PDE6C: variants seen among roughly 807,000 people sequenced by gnomAD.
PDE6C encodes the protein cone cGMP-specific 3',5'-cyclic phosphodiesterase subunit alpha'.
In PDE6C, 75 loss-of-function variants were observed where a neutral mutation model predicts 113.1. The observed-to-expected ratio is 0.66, with a 90% CI of 0.55 to 0.80. The LOEUF (loss-of-function observed/expected upper bound fraction) is 0.80, where lower values mean the gene tolerates loss of function less well. PDE6C is among the 30% of genes least tolerant of loss of function. PDE6C has a pLI of 0.00. For missense variants in PDE6C, 912 were observed against 1,038.6 expected (o/e 0.88, Z 1.67); for synonymous variants, 375 against 363.7 (o/e 1.03, Z -0.35).
intron 16 of PDE6C, among the ~76,000 whole-genome samples, chr10:93,657,467 A>G (rs2058644251): frequency 6.7e-6 from 1 of 149,872 alleles, no homozygotes; most frequent in Admixed American, 6.7e-5. Flanking sequence ...TAGAGGCGTG[A>G]GCCACCTCGC....
At chr10:93,647,903 C>T (rs2058592099) in intron 15 of PDE6C, among the ~76,000 whole-genome samples, 1 of 152,128 alleles carries the variant, frequency 6.6e-6, no homozygotes, top group African/African-American at 2.4e-5. Context: ...TTGTTATTAC[C>T]TAATTTGTTA....
intron 7 of PDE6C, among the ~76,000 whole-genome samples, chr10:93,628,668 T>C (rs1393888571): frequency 6.6e-6 from 1 of 152,166 alleles, no homozygotes; most frequent in African/African-American, 2.4e-5. Flanking sequence ...TTAAGATCCA[T>C]TTGTGATTAT....
chr10:93,629,187 A>G (rs938777910), intron 7 of PDE6C, 71 bp from the exon 8 acceptor site: 2 of 1,263,842 alleles, frequency 1.6e-6, no homozygotes, highest in African/African-American at 2.9e-5. Flanking sequence ...GTTCTTTCTT[A>G]TTCTGCTTTG....
At chr10:93,642,849 A>G (rs1310042373) in intron 14 of PDE6C, among the ~76,000 whole-genome samples, 1 of 152,142 alleles carries the variant, frequency 6.6e-6, no homozygotes, top group African/African-American at 2.4e-5. Context: ...AATTCTACCT[A>G]TTATTAGGCT....
chr10:93,662,977 T>G, intron 20 of PDE6C, 51 bp from the exon 21 acceptor site: 3 of 1,511,704 alleles, frequency 2.0e-6, no homozygotes, highest in Non-Finnish European at 2.7e-6. Flanking sequence ...TGAAAGATCC[T>G]GAAAATTAAC....
intron 14 of PDE6C, among the ~76,000 whole-genome samples, chr10:93,642,221 G>A (rs962708504): frequency 1.3e-5 from 2 of 152,004 alleles, no homozygotes; most frequent in Non-Finnish European, 2.9e-5. Context: ...AAAATTAGCC[G>A]GACATTGTGG....
chr10:93,640,892 G>T, intron 13 of PDE6C, 28 bp from the exon 14 acceptor site: 1 of 1,322,402 alleles, frequency 7.6e-7, no homozygotes, highest in Non-Finnish European at 1.1e-6. Flanking sequence ...ATAAATTATA[G>T]ATATGCATAT....
chr10:93,613,044 A>C lies in PDE6C; in HGVS notation c.319A>C (p.Ile107Leu). 1.9e-6 allele frequency: 3 copies of C among 1,614,194 alleles called. No homozygotes were observed. Among genetic ancestry groups the C allele is most frequent in the Non-Finnish European group, 2.5e-6 (3 of 1,180,044 alleles). Residue 107 changes from isoleucine to leucine, a missense_variant, in exon 1 of 22, where the codon ATA becomes CTA. By Grantham distance (5) the Ile-to-Leu change is conservative (BLOSUM62 2). Transcript: ENST00000371447. The stretch of plus-strand genomic sequence containing the variant: ...GTTCCTGTGCCGGTCCCGGAACGGC[A>C]TACCTGAGGTGGCCTCTAGGTTGCT... ...SMFLCRSRNG[I>L]PEVASRLLDV...
At chr10:93,640,377 A>AG in intron 12 of PDE6C, 73 bp from the exon 13 acceptor site, 2 of 1,300,726 alleles carry the variant, frequency 1.5e-6, no homozygotes, top group Non-Finnish European at 2.2e-6. Flanking sequence ...ACATCTTTTT[A>AG]GATAAGATTG....
intron 9 of PDE6C, among the ~76,000 whole-genome samples, chr10:93,635,293 T>C (rs1383660961): frequency 1.3e-5 from 2 of 152,214 alleles, no homozygotes; most frequent in African/African-American, 4.8e-5. Flanking sequence ...CTTCTATTCA[T>C]GGTGCATGGT....
Position 93,642,615 on chromosome 10 carries a change from C to T in PDE6C, c.1847+1586C>T, listed in dbSNP as rs557746330. Among the ~76,000 whole-genome samples the T allele has an allele frequency of 2.6e-3, 401 of 152,210 alleles. 2 individuals are homozygous for T. Among genetic ancestry groups the T allele is most frequent in the Non-Finnish European group, 4.5e-3 (304 of 68,012 alleles). The stretch of plus-strand genomic sequence containing the variant: ...GGAGTCTTGGGTTTGTGGGGACCAA[C>T]TACTTCTTGGTTGGGGGATCTTGGA... On this transcript the variant is annotated intron_variant, in intron 14 of 21. Transcript: ENST00000371447.
rs556769001 is a variant in PDE6C at position 93,615,633 on chromosome 10, C to T, written c.480+2428C>T. Among the ~76,000 whole-genome samples, 12 of 152,314 alleles carry T rather than the reference C, an allele frequency of 7.9e-5. No homozygotes were observed. The South Asian group carries it at 1.5e-3, about 18-fold the overall frequency. On this transcript the variant is annotated intron_variant, in intron 1 of 21. Coordinates refer to ENST00000371447, the MANE Select transcript of PDE6C (RefSeq NM_006204.4). ...CTGACCTCAGGTGATCCACCTGTCT[C>T]GGACTTTCAAAGTGCTGGGATTACA...
At chr10:93,654,805 TC>T (rs1445012957) in intron 15 of PDE6C, among the ~76,000 whole-genome samples, 32 of 92,560 alleles carry the variant, frequency 3.5e-4, no homozygotes, top group Middle Eastern at 5.2e-3. Flanking sequence ...TTTCTTTCTT[TC>T]TTTCTTTTTT....
chr10:93,621,810 T>C, intron 3 of PDE6C, 122 bp from the exon 4 acceptor site: 1 of 883,590 alleles, frequency 1.1e-6, no homozygotes, highest in South Asian at 1.4e-5. Context: ...AAATCAGAAT[T>C]GCACTTTCCA....
chr10:93,662,511 G>C (rs1269748474), intron 19 of PDE6C, 49 bp from the exon 20 acceptor site: 2 of 628,124 alleles, frequency 3.2e-6, no homozygotes, highest in Non-Finnish European at 6.0e-6. Context: ...AGTCTGTTTT[G>C]TTCATACATC....
rs972687833 is a variant in PDE6C, at chr10:93,620,659, A to C, written c.508A>C (p.Lys170Gln). The C allele has an allele frequency of 5.0e-6, 8 of 1,614,192 alleles. No individual in the cohort carries two copies. Among genetic ancestry groups the C allele is most frequent in the South Asian group, 1.1e-5 (1 of 91,086 alleles). Reference sequence around the variant, plus strand: ...CAGCCATTTTTCTGACTTCATGGACAAGCAAACTGGGTATGTCACTAAGAA... The same window carrying C: ...CAGCCATTTTTCTGACTTCATGGACCAGCAAACTGGGTATGTCACTAAGAA... ...KNSHFSDFMD[K>Q]QTGYVTKNLL... is the part of the protein sequence containing the mutation. Residue 170 changes from lysine (K) to glutamine (Q), a missense_variant, in exon 2 of 22, where the codon AAG becomes CAG. Lys to Gln is a moderately conservative substitution (Grantham distance 53). Transcript: ENST00000371447.
chr10:93,658,041 A>G (rs2058647041), intron 16 of PDE6C, among the ~76,000 whole-genome samples: 1 of 151,860 alleles, frequency 6.6e-6, no homozygotes, highest in Non-Finnish European at 1.5e-5. Flanking sequence ...ATGCTGGAGC[A>G]TGCCTGTAGT....
At chr10:93,649,051 G>A (rs1439549031) in intron 15 of PDE6C, among the ~76,000 whole-genome samples, 4 of 152,294 alleles carry the variant, frequency 2.6e-5, no homozygotes, top group Non-Finnish European at 5.9e-5. Flanking sequence ...GCCTCAGCTA[G>A]CTCGAGAGCC....
chr10:93,632,441 T>C (rs1223692285), intron 8 of PDE6C, among the ~76,000 whole-genome samples: 2 of 152,176 alleles, frequency 1.3e-5, no homozygotes, highest in Non-Finnish European at 1.5e-5. Flanking sequence ...GGAGGAAAAG[T>C]GTATAGAATT....
Sources: gnomAD v4.1 joint callset for allele counts (sites outside exome capture counted in the v4.1 genomes callset) on GRCh38, gnomAD v4.1.1 for gene constraint, MANE v1.5 for transcripts, NCBI Gene and HGNC (gene_info 2026-07-23, HGNC 2026-07-21) for gene names.